CHL1: variants seen among roughly 807,000 people sequenced by gnomAD.
CHL1 encodes cell adhesion molecule L1 like, also known as neural cell adhesion molecule L1-like protein.
Under a neutral mutation model 141.9 loss-of-function variants are expected in CHL1, and 96 were observed. The ratio of observed to expected loss-of-function variants is 0.68; its 90% CI spans 0.57 to 0.80. The LOEUF (loss-of-function observed/expected upper bound fraction) is 0.80, where lower values mean the gene tolerates loss of function less well. CHL1 is among the 30% of genes least tolerant of loss of function. CHL1 has a pLI of 0.00. For synonymous variants in CHL1, 613 were observed against 502.2 expected (o/e 1.22, Z -2.95); for missense variants, 1,820 against 1,457.2 (o/e 1.25, Z -4.05).
chr3:378,332 G>A (rs940433875), intron 16 of CHL1, among the ~76,000 whole-genome samples: 5 of 152,120 alleles, frequency 3.3e-5, no homozygotes, highest in South Asian at 2.1e-4. Flanking sequence ...GTGGATGCAC[G>A]GTGGTCATCT....
intron 1 of CHL1, among the ~76,000 whole-genome samples, chr3:237,980 C>G (rs1692159014): frequency 6.6e-6 from 1 of 152,100 alleles, no homozygotes; most frequent in Admixed American, 6.6e-5. Context: ...AAATAATTCC[C>G]AAAAGCCAAC....
At chr3:216,200 A>C (rs1368382416) in intron 1 of CHL1, among the ~76,000 whole-genome samples, 1 of 152,224 alleles carries the variant, frequency 6.6e-6, no homozygotes, top group Non-Finnish European at 1.5e-5. Context: ...GCACAATTTT[A>C]AATTGAAGTG....
intron 2 of CHL1, among the ~76,000 whole-genome samples, chr3:252,240 G>A (rs929606839): frequency 6.6e-6 from 1 of 150,646 alleles, no homozygotes; most frequent in Admixed American, 6.6e-5. Flanking sequence ...GCCTCTTCTT[G>A]ACTCTATTCA....
At chr3:208,173 T>C (rs1211898879) in intron 1 of CHL1, among the ~76,000 whole-genome samples, 1 of 152,188 alleles carries the variant, frequency 6.6e-6, no homozygotes, top group Non-Finnish European at 1.5e-5. Context: ...TGCCTCCCAG[T>C]GGCAGTTGGA....
chr3:210,008 G>T (rs780512229), intron 1 of CHL1, among the ~76,000 whole-genome samples: 2 of 152,082 alleles, frequency 1.3e-5, no homozygotes, highest in East Asian at 3.9e-4. Flanking sequence ...TTGTTTAATT[G>T]TGTATGGGGA....
At chr3:234,533 T>A (rs1691753818) in intron 1 of CHL1, among the ~76,000 whole-genome samples, 1 of 151,922 alleles carries the variant, frequency 6.6e-6, no homozygotes, top group African/African-American at 2.4e-5. Context: ...GTACTGAAAA[T>A]TAGTGATATT....
At chr3:390,084 A>G (rs188787306) in intron 20 of CHL1, among the ~76,000 whole-genome samples, 123 of 152,338 alleles carry the variant, frequency 8.1e-4, no homozygotes, top group African/African-American at 2.7e-3. Flanking sequence ...TGATCCAAAA[A>G]TAGAAAAGGT....
At chr3:281,802 T>G (rs2125298840) in intron 2 of CHL1, among the ~76,000 whole-genome samples, 1 of 152,248 alleles carries the variant, frequency 6.6e-6, no homozygotes, top group South Asian at 2.1e-4. Flanking sequence ...TCAAGTGATC[T>G]GCTTGCCTTG....
intron 1 of CHL1, among the ~76,000 whole-genome samples, chr3:200,535 A>G (rs896866429): frequency 6.6e-6 from 1 of 152,232 alleles, no homozygotes; most frequent in African/African-American, 2.4e-5. Flanking sequence ...TGACTAATTC[A>G]GTCGGAAGAG....
intron 5 of CHL1, among the ~76,000 whole-genome samples, chr3:340,475 C>T (rs1292426368): frequency 1.3e-5 from 2 of 152,100 alleles, no homozygotes; most frequent in Non-Finnish European, 2.9e-5. Context: ...AAAGCTAAAG[C>T]AAGAAAATCC....
At chr3:317,353 G>C (rs1219464402) in intron 2 of CHL1, among the ~76,000 whole-genome samples, 3 of 151,896 alleles carry the variant, frequency 2.0e-5, no homozygotes, top group African/African-American at 7.2e-5. Context: ...TAAGTCAAGA[G>C]ATTAATGGAA....
intron 26 of CHL1, 72 bp downstream of exon 26, chr3:399,220 C>T: frequency 7.5e-7 from 1 of 1,327,948 alleles, no homozygotes; most frequent in Non-Finnish European, 1.1e-6. Flanking sequence ...TCAGAGACAA[C>T]TTTTTTTAAA....
Position 363,223 on chromosome 3 carries a change from G to A in CHL1, c.1425G>A (p.Lys475=). 6.2e-7 allele frequency: 1 copy of A among 1,608,926 alleles called. No individual in the cohort carries two copies. The highest frequency in any genetic ancestry group is 1.1e-5 in the South Asian group (1 of 90,478). Residue 475 remains lysine, a synonymous_variant, in exon 14 of 28, where the codon AAG becomes AAA. Coordinates refer to ENST00000256509, the MANE Select transcript of CHL1 (RefSeq NM_006614.4). ...ACGCTTTCTTTGTCCATAGGCAGAAGGTGGAAGAAGTGAAACCCCTGGAGG... is the reference window on the plus strand; with the variant it reads ...ACGCTTTCTTTGTCCATAGGCAGAAAGTGGAAGAAGTGAAACCCCTGGAGG... The part of the protein sequence containing the change: ...ASPEAVVSWQ[K]VEEVKPLEGR...
At chr3:386,976 T>C (rs777009593) in intron 19 of CHL1, among the ~76,000 whole-genome samples, 23 of 152,198 alleles carry the variant, frequency 1.5e-4, no homozygotes, top group Non-Finnish European at 2.8e-4. Flanking sequence ...AATGTATACA[T>C]ATTTCAAAAC....
chr3:241,899 A>G (rs75118310), intron 1 of CHL1, among the ~76,000 whole-genome samples: 2,874 of 152,242 alleles, frequency 0.019, 34 homozygotes, highest in Middle Eastern at 0.034. Context: ...ATCTATGTCA[A>G]TGGTGGTGAG....
intron 2 of CHL1, among the ~76,000 whole-genome samples, chr3:253,429 A>G (rs1693887029): frequency 6.6e-6 from 1 of 152,166 alleles, no homozygotes; most frequent in African/African-American, 2.4e-5. Flanking sequence ...AATAAGCAAG[A>G]AAGTCTCAGA....
At chr3:392,791 G>A (rs1360118265) in intron 23 of CHL1, among the ~76,000 whole-genome samples, 1 of 152,200 alleles carries the variant, frequency 6.6e-6, no homozygotes, top group Non-Finnish European at 1.5e-5. Context: ...TAGCACGTAT[G>A]TTTAAATACA....
At chr3:385,670 A>C (rs565501435) in intron 19 of CHL1, 1 of 152,144 alleles carries the variant, frequency 6.6e-6, no homozygotes, top group Non-Finnish European at 1.5e-5. Context: ...TCTACTAAAA[A>C]TATAAAAATT....
At chr3:210,460 A>G (rs928429585) in intron 1 of CHL1, among the ~76,000 whole-genome samples, 2 of 152,160 alleles carry the variant, frequency 1.3e-5, no homozygotes, top group Non-Finnish European at 2.9e-5. Flanking sequence ...GACCCATGCA[A>G]TGGCAAGGAG....
Sources: gnomAD v4.1 joint callset for allele counts (sites outside exome capture counted in the v4.1 genomes callset) on GRCh38, gnomAD v4.1.1 for gene constraint, MANE v1.5 for transcripts, NCBI Gene and HGNC (gene_info 2026-07-23, HGNC 2026-07-21) for gene names.